The following PAK6 variants were observed in gnomAD, a reference collection of about 807,000 sequenced individuals.
PAK6 encodes p21 (RAC1) activated kinase 6, also known as serine/threonine-protein kinase PAK 6.
In PAK6, 33 loss-of-function variants were observed where a neutral mutation model predicts 60.8. The ratio of observed to expected loss-of-function variants is 0.54; its 90% CI spans 0.41 to 0.73. The LOEUF (loss-of-function observed/expected upper bound fraction) is 0.73. Among genes scored for constraint, PAK6 ranks in the 30% least tolerant of loss-of-function variants. The pLI is 0.00. For missense variants in PAK6, 845 were observed against 904.1 expected (o/e 0.93, Z 0.84); for synonymous variants, 404 against 378.5 (o/e 1.07, Z -0.78).
exon 10 of PAK6, chr15:40,274,181 G>A: frequency 6.2e-7 from 1 of 1,614,032 alleles, no homozygotes; most frequent in Non-Finnish European, 8.5e-7. Flanking sequence ...GATTGAGATG[G>A]TAGATGGGGA....
chr15:40,245,011 A>G (rs750804932), intron 2 of PAK6: 1 of 152,164 alleles, frequency 6.6e-6, no homozygotes, highest in Non-Finnish European at 1.5e-5. Flanking sequence ...CTCCGTGGCA[A>G]CCTATTCCCC....
At chr15:40,263,207 A>G (rs1295296067) in intron 3 of PAK6, among the ~76,000 whole-genome samples, 1 of 152,202 alleles carries the variant, frequency 6.6e-6, no homozygotes. Flanking sequence ...AAGAGCCAAA[A>G]GAGAACATGA....
intron 5 of PAK6, among the ~76,000 whole-genome samples, chr15:40,272,022 T>A (rs2039318044): frequency 6.6e-6 from 1 of 152,190 alleles, no homozygotes; most frequent in East Asian, 1.9e-4. Flanking sequence ...CCTGGTGCCC[T>A]GCGGGGGACT....
Position 40,266,684 on chromosome 15 carries a change from T to G in PAK6, c.858+189T>G, listed in dbSNP as rs1303970764. On this transcript the variant is annotated intron_variant, in intron 5 of 10. Coordinates refer to ENST00000560346, the Ensembl canonical transcript of PAK6. ...TCGCCTCCTCCTTCCCTCCCTTCCT[T>G]TCCTTCTTTTCTCTGTGGCTGTTGT... The G allele has an allele frequency of 5.8e-6, 3 of 512,904 alleles. No individual in the cohort carries two copies. In the South Asian group the frequency reaches 9.9e-5, roughly 17 times the overall value. 31.8% of individuals were successfully genotyped at this position (512,904 alleles called of 1,614,324 possible). A position where few individuals can be genotyped will look rare whatever the true frequency, so the allele number is the denominator to read the frequency against.
intron 2 of PAK6, chr15:40,251,325 A>T (rs2038661500): frequency 6.6e-6 from 1 of 152,226 alleles, no homozygotes; most frequent in South Asian, 2.1e-4. Flanking sequence ...AGCCGAGGGC[A>T]TTGGGCTTGT....
chr15:40,240,703 C>T (rs35775945), intron 2 of PAK6, 22 bp downstream of exon 2: 158 of 438,698 alleles, frequency 3.6e-4, no homozygotes, highest in African/African-American at 9.2e-4. Flanking sequence ...ACTGCCGCTG[C>T]GTGCTCCGGA....
intron 10 of PAK6, among the ~76,000 whole-genome samples, chr15:40,274,904 C>T (rs1002971204): frequency 2.0e-5 from 3 of 152,224 alleles, no homozygotes; most frequent in Admixed American, 6.5e-5. Flanking sequence ...GTGGCCAAAA[C>T]AAGAAATGTC....
intron 5 of PAK6, among the ~76,000 whole-genome samples, chr15:40,269,369 A>C (rs1216041886): frequency 6.6e-6 from 1 of 152,146 alleles, no homozygotes; most frequent in Non-Finnish European, 1.5e-5. Context: ...CCCCTTTAGG[A>C]TACTTAAGGT....
intron 2 of PAK6, chr15:40,252,306 G>C: frequency 8.1e-7 from 1 of 1,235,510 alleles, no homozygotes; most frequent in Non-Finnish European, 1.0e-6. Flanking sequence ...TCCAGGTCGG[G>C]TCTCCGCGAG....
intron 2 of PAK6, among the ~76,000 whole-genome samples, chr15:40,248,750 T>G (rs1055128484): frequency 6.6e-6 from 1 of 152,206 alleles, no homozygotes; most frequent in Non-Finnish European, 1.5e-5. Flanking sequence ...AGCCCTCTTG[T>G]GTCTCACGTG....
At position 40,273,373 on chromosome 15, in the gene PAK6, G is replaced by GT; in HGVS notation, c.1519dup (p.Cys507LeufsTer2). On this transcript the variant is annotated frameshift_variant, in exon 8 of 11. Coordinates refer to ENST00000560346, the Ensembl canonical transcript of PAK6. LOFTEE classifies it high-confidence loss of function. ...TGAATGAGGAGCAGATTGCCACTGT[G>GT]TGTGAGGCTGTGCTGCAGGCCCTGG... is the stretch of plus-strand genomic sequence containing the variant. 1 of 1,614,002 alleles carries GT rather than the reference G, an allele frequency of 6.2e-7. No homozygotes were observed. Among genetic ancestry groups the GT allele is most frequent in the Non-Finnish European group, 8.5e-7 (1 of 1,180,008 alleles).
At chr15:40,240,358 C>T (rs1413954528) in intron 1 of PAK6, among the ~76,000 whole-genome samples, 3 of 152,164 alleles carry the variant, frequency 2.0e-5, no homozygotes, top group African/African-American at 7.2e-5. Flanking sequence ...ACCCTCAAGC[C>T]CCTGGTCCCC....
At chr15:40,266,192 T>G in exon 5 of PAK6, 1 of 1,609,588 alleles carries the variant, frequency 6.2e-7, no homozygotes, top group Non-Finnish European at 8.5e-7. Flanking sequence ...CCGCCGAGTT[T>G]CAGGGTGCCT....
Position 40,261,090 on chromosome 15 carries a change from G to A in PAK6, c.-5-3691G>A, listed in dbSNP as rs983239372. ...GTTTTAGTAGAGACGGGGTTTCACC[G>A]TGTTAGCCAGGATGATCTCTATCTC... On this transcript the variant is annotated intron_variant, in intron 3 of 10. Coordinates refer to ENST00000560346, the Ensembl canonical transcript of PAK6. Among the ~76,000 whole-genome samples the A allele has an allele frequency of 2.3e-4, 35 of 151,684 alleles. No homozygotes were observed. In the Middle Eastern group the frequency reaches 0.01, roughly 45 times the overall value.
chr15:40,272,761 A>T, intron 6 of PAK6, 40 bp downstream of exon 6: 1 of 1,578,144 alleles, frequency 6.3e-7, no homozygotes, highest in Non-Finnish European at 8.6e-7. Flanking sequence ...GGCGTTGGGG[A>T]TGGGCAGTGA....
At chr15:40,249,727 G>A (rs146507730) in intron 2 of PAK6, among the ~76,000 whole-genome samples, 204 of 152,354 alleles carry the variant, frequency 1.3e-3, no homozygotes, top group South Asian at 5.8e-3. Context: ...GCCCTAGCCC[G>A]AGCACTCAGC....
chr15:40,263,960 G>A (rs543903528), intron 3 of PAK6: 111 of 456,006 alleles, frequency 2.4e-4, no homozygotes, highest in Admixed American at 5.2e-4. Flanking sequence ...AGAGAAGAGT[G>A]TCAAGGGGAG....
chr15:40,239,184 C>A (rs1011208422), upstream of PAK6: 13 of 152,184 alleles, frequency 8.5e-5, no homozygotes, highest in Admixed American at 5.9e-4. Context: ...GCCGGGGCCG[C>A]TGGGCCCTGA....
At chr15:40,244,731 A>G (rs1292514314) in intron 2 of PAK6, among the ~76,000 whole-genome samples, 2 of 152,166 alleles carry the variant, frequency 1.3e-5, no homozygotes, top group South Asian at 2.1e-4. Flanking sequence ...TGTTCTATGA[A>G]TTTAGGAAAG....
Sources: allele counts gnomAD v4.1 joint callset (sites outside exome capture counted in the v4.1 genomes callset), GRCh38; gene constraint gnomAD v4.1.1; transcripts MANE v1.5; gene names NCBI Gene and HGNC (gene_info 2026-07-23, HGNC 2026-07-21).